The following USH2A variants were observed in gnomAD, a reference collection of about 807,000 sequenced individuals.
The protein encoded by USH2A is Usher syndrome 2A (autosomal recessive, mild).
A neutral mutation model predicts 538.9 loss-of-function variants in USH2A; 443 were observed. The ratio of observed to expected loss-of-function variants is 0.82; its 90% CI spans 0.76 to 0.89. The LOEUF (loss-of-function observed/expected upper bound fraction) is 0.89. USH2A is among the 40% of genes least tolerant of loss of function. The pLI, the probability that USH2A is intolerant of heterozygous loss-of-function variation, is 0.00. For missense variants in USH2A, 6,633 were observed against 6,324.8 expected, an observed-to-expected ratio of 1.05 and a Z score of -1.65; for synonymous variants, 2,413 against 2,273.5, an observed-to-expected ratio of 1.06 and a Z score of -1.75.
chr1:216,030,208 C>T (rs1669073742), intron 32 of USH2A, among the ~76,000 whole-genome samples: 1 of 138,292 alleles, frequency 7.2e-6, no homozygotes, highest in Non-Finnish European at 1.5e-5. Flanking sequence ...ATCTACATCA[C>T]ACATATATTA....
intron 37 of USH2A, among the ~76,000 whole-genome samples, chr1:215,951,926 G>A (rs572430902): frequency 2.3e-4 from 35 of 151,448 alleles, no homozygotes; most frequent in Middle Eastern, 3.4e-3. Context: ...CTGCAGTGGC[G>A]CAATCTCGGC....
intron 21 of USH2A, among the ~76,000 whole-genome samples, chr1:216,128,056 T>C (rs1196604271): frequency 6.6e-6 from 1 of 152,152 alleles, no homozygotes; most frequent in East Asian, 1.9e-4. Context: ...TTGAAGAGCA[T>C]ACTGTATAGA....
At chr1:216,354,648 A>G (rs1285720468) in intron 4 of USH2A, among the ~76,000 whole-genome samples, 1 of 152,128 alleles carries the variant, frequency 6.6e-6, no homozygotes, top group Non-Finnish European at 1.5e-5. Context: ...GAAATTGACC[A>G]GTGAAATAAA....
chr1:216,039,157 TG>T (rs972372718), intron 32 of USH2A, among the ~76,000 whole-genome samples: 22 of 152,158 alleles, frequency 1.4e-4, no homozygotes, highest in African/African-American at 5.3e-4. Context: ...TTTGACCCTT[TG>T]TTGCTCGATG....
chr1:216,271,579 C>A (rs756143513), intron 11 of USH2A, among the ~76,000 whole-genome samples: 7 of 151,962 alleles, frequency 4.6e-5, no homozygotes, highest in Non-Finnish European at 1.0e-4. Flanking sequence ...TAAGAGCAAA[C>A]CTCCTTGCTT....
intron 3 of USH2A, among the ~76,000 whole-genome samples, chr1:216,393,024 C>T (rs1169804524): frequency 1.3e-5 from 2 of 152,160 alleles, no homozygotes; most frequent in Non-Finnish European, 2.9e-5. Context: ...GTGTTGTATA[C>T]ATAGTAGATA....
chr1:216,338,054 TG>T (rs933839045), intron 4 of USH2A, among the ~76,000 whole-genome samples: 3 of 151,320 alleles, frequency 2.0e-5, no homozygotes, highest in Non-Finnish European at 4.4e-5. Context: ...TGATCATGGA[TG>T]AAAAAAATCA....
chr1:216,181,587 C>T (rs931989093), intron 20 of USH2A, among the ~76,000 whole-genome samples: 2 of 152,096 alleles, frequency 1.3e-5, no homozygotes, highest in Admixed American at 6.6e-5. Context: ...CACAAAACTA[C>T]CATCCTACAC....
rs11120629 is a variant in USH2A at position 215,790,032 on chromosome 1, G to A, written c.10182+27C>T. Reference sequence around the variant, plus strand: ...TTTCTCTTTCCATTGTCAAATCAGCGCCTCCGAGAGCTTTTCTATCAATTA... The same window carrying A: ...TTTCTCTTTCCATTGTCAAATCAGCACCTCCGAGAGCTTTTCTATCAATTA... On this transcript the variant is annotated intron_variant, in intron 51 of 71. Coordinates refer to ENST00000307340, the MANE Select transcript of USH2A (RefSeq NM_206933.4). The A allele has an allele frequency of 0.12, 198,898 of 1,599,994 alleles. 13,293 individuals carry two copies. Among genetic ancestry groups the A allele is most frequent in the African/African-American group, 0.15 (11,239 of 74,504 alleles).
At chr1:216,238,943 C>T (rs1354207286) in intron 13 of USH2A, among the ~76,000 whole-genome samples, 1 of 152,070 alleles carries the variant, frequency 6.6e-6, no homozygotes, top group Non-Finnish European at 1.5e-5. Flanking sequence ...GTCTCTCAGA[C>T]ATGTTTAAAT....
At chr1:215,796,269 T>C (rs1662132300) in intron 50 of USH2A, among the ~76,000 whole-genome samples, 1 of 152,160 alleles carries the variant, frequency 6.6e-6, no homozygotes, top group African/African-American at 2.4e-5. Context: ...GACTGCATTT[T>C]TTTACAAATT....
At chr1:215,721,846 T>C (rs1377134286) in intron 61 of USH2A, among the ~76,000 whole-genome samples, 1 of 152,132 alleles carries the variant, frequency 6.6e-6, no homozygotes, top group Non-Finnish European at 1.5e-5. Context: ...GGAGGATCTC[T>C]TGAGGCCGGG....
In USH2A at chr1:215,889,033, G is replaced by A. The variant is rs147333637; in HGVS notation, c.7616C>T (p.Pro2539Leu). The change falls in exon 41 of 72, where the codon CCG becomes CTG. Residue 2539 changes from proline (P) to leucine (L), a missense_variant. Coordinates refer to ENST00000307340, the MANE Select transcript of USH2A (RefSeq NM_206933.4). ...TCTTGACTTCACATCCAGAAGAATC[G>A]GAGGAACTACAGGTCCAGGTTCTGT... Reference protein sequence around the residue: ...AEDKPGPVVPPILLDVKSRMM... With the variant: ...AEDKPGPVVPLILLDVKSRMM... The A allele has an allele frequency of 5.0e-5, 80 of 1,613,770 alleles. 1 individual carries two copies. The highest frequency in any genetic ancestry group is 2.9e-4 in the East Asian group (13 of 44,848).
chr1:215,996,560 G>GTTTTTTTTTTTTTTTTTTTTTT (rs753233925), intron 34 of USH2A, among the ~76,000 whole-genome samples: 1 of 51,696 alleles, frequency 1.9e-5, no homozygotes, highest in African/African-American at 9.3e-5. Context: ...AACATATTAT[G>GTTTTTTTTTTTTTTTTTTTTTT]TTTTTTTTTT....
intron 3 of USH2A, among the ~76,000 whole-genome samples, chr1:216,389,851 A>C (rs899668115): frequency 6.6e-6 from 1 of 152,154 alleles, no homozygotes; most frequent in Non-Finnish European, 1.5e-5. Context: ...ATTGGAAATA[A>C]TCTAGTTTTT....
intron 11 of USH2A, among the ~76,000 whole-genome samples, chr1:216,262,300 ACAGATATGCAACTGAAAAAAAT>A (rs2036389709): frequency 6.6e-6 from 1 of 152,144 alleles, no homozygotes; most frequent in South Asian, 2.1e-4. Flanking sequence ...AGAAGAAAAT[ACAGATATGCAACTGAAAAAAAT>A]CAGGAAAAGA....
chr1:215,957,461 TTGTG>T (rs1450481128), intron 37 of USH2A, among the ~76,000 whole-genome samples: 6 of 152,248 alleles, frequency 3.9e-5, no homozygotes, highest in African/African-American at 1.2e-4. Context: ...TGATGAGTAT[TTGTG>T]TATGAAACAC....
At chr1:216,104,995 C>T (rs1043862806) in intron 21 of USH2A, among the ~76,000 whole-genome samples, 13 of 152,026 alleles carry the variant, frequency 8.6e-5, no homozygotes, top group Non-Finnish European at 1.2e-4. Context: ...AAAAAGTGGG[C>T]GAAGGATATG....
rs141166889 is a variant in USH2A, at chr1:216,320,669, T to G, written c.1644+1214A>C. 2.2e-3 allele frequency among the ~76,000 whole-genome samples: 335 copies of G among 152,296 alleles called. 2 individuals are homozygous for G. The highest frequency in any genetic ancestry group is 7.6e-3 in the African/African-American group (314 of 41,576). On this transcript the variant is annotated intron_variant, in intron 9 of 71. Coordinates refer to ENST00000307340, the MANE Select transcript of USH2A (RefSeq NM_206933.4). ...AAATGTTAAAAACAATTGTTGAATA[T>G]GATTAAAACTGAGGTTGGGTAATCT...
Sources: allele counts gnomAD v4.1 joint callset (sites outside exome capture counted in the v4.1 genomes callset), GRCh38; gene constraint gnomAD v4.1.1; transcripts MANE v1.5; gene names NCBI Gene and HGNC (gene_info 2026-07-23, HGNC 2026-07-21).